LHFPL3: variants seen among roughly 807,000 people sequenced by gnomAD.
LHFPL3 encodes the protein LHFPL tetraspan subfamily member 3.
In LHFPL3, 5 loss-of-function variants were observed where a neutral mutation model predicts 19.3. The observed-to-expected ratio is 0.26, with a 90% confidence interval of 0.14 to 0.54. The LOEUF (loss-of-function observed/expected upper bound fraction) is 0.54, where lower values mean the gene tolerates loss of function less well. Ranked by LOEUF, LHFPL3 falls within the 20% of genes least tolerant of loss-of-function variation. The pLI is 0.94. For missense variants in LHFPL3, 249 were observed against 307.4 expected (o/e 0.81, Z 1.42); for synonymous variants, 133 against 126.2 (o/e 1.05, Z -0.36).
At chr7:104,622,817 A>G (rs1402908167) in intron 1 of LHFPL3, among the ~76,000 whole-genome samples, 1 of 152,220 alleles carries the variant, frequency 6.6e-6, no homozygotes, top group Non-Finnish European at 1.5e-5. Context: ...TCTTGTGGGT[A>G]TATACCTAGG....
intron 1 of LHFPL3, among the ~76,000 whole-genome samples, chr7:104,514,872 A>G (rs556334304): frequency 9.8e-5 from 15 of 152,306 alleles, no homozygotes; most frequent in African/African-American, 3.6e-4. Context: ...TGACACAATT[A>G]TATATATTGT....
intron 1 of LHFPL3, among the ~76,000 whole-genome samples, chr7:104,694,869 C>G (rs974379064): frequency 1.3e-5 from 2 of 152,210 alleles, no homozygotes; most frequent in African/African-American, 4.8e-5. Flanking sequence ...TAGAATGATA[C>G]TTATGCTGAA....
At chr7:104,706,451 A>G (rs1793191997) in intron 1 of LHFPL3, among the ~76,000 whole-genome samples, 1 of 152,216 alleles carries the variant, frequency 6.6e-6, no homozygotes, top group African/African-American at 2.4e-5. Flanking sequence ...GTCCAGCCAA[A>G]TGAGCAATAT....
At position 104,753,226 on chromosome 7, in the gene LHFPL3, C is replaced by T. The variant is rs181718879; in HGVS notation, c.682+16315C>T. Among the ~76,000 whole-genome samples the T allele has an allele frequency of 5.8e-4, 89 of 152,232 alleles. 1 individual carries two copies. In the South Asian group the frequency reaches 0.017, roughly 29 times the overall value. ...GTTCCTTTCATAAATATCCTGGCAA[C>T]CTTGAATGCATAAACAGGCTCTATT... On this transcript the variant is annotated intron_variant, in intron 2 of 2. Transcript: ENST00000424859.
chr7:104,625,537 C>T (rs1305798250), intron 1 of LHFPL3, among the ~76,000 whole-genome samples: 1 of 152,150 alleles, frequency 6.6e-6, no homozygotes, highest in Admixed American at 6.5e-5. Context: ...CACATGCCTC[C>T]TTTAATTTTG....
intron 1 of LHFPL3, among the ~76,000 whole-genome samples, chr7:104,671,565 A>G (rs1792482671): frequency 1.9e-5 from 2 of 102,580 alleles, no homozygotes; most frequent in Non-Finnish European, 4.6e-5. Flanking sequence ...TCTGATCTTT[A>G]AAGTTCAAAA....
intron 2 of LHFPL3, 70 bp from the exon 3 acceptor site, chr7:104,906,117 G>A: frequency 1.4e-6 from 2 of 1,434,118 alleles, no homozygotes; most frequent in Non-Finnish European, 1.9e-6. Flanking sequence ...CAAAAATCTT[G>A]CAGACAGAAA....
chr7:104,550,116 A>G (rs1352768776), intron 1 of LHFPL3, among the ~76,000 whole-genome samples: 2 of 152,086 alleles, frequency 1.3e-5, no homozygotes, highest in Non-Finnish European at 2.9e-5. Context: ...TACTGCAGAA[A>G]CCCTTTTTGC....
intron 1 of LHFPL3, among the ~76,000 whole-genome samples, chr7:104,572,725 C>A (rs994211811): frequency 1.3e-5 from 2 of 152,114 alleles, no homozygotes; most frequent in Admixed American, 1.3e-4. Flanking sequence ...TAAAGTAGGT[C>A]AGTGTTTTCC....
At chr7:104,431,358 C>G (rs1010695570) in intron 1 of LHFPL3, among the ~76,000 whole-genome samples, 1 of 152,140 alleles carries the variant, frequency 6.6e-6, no homozygotes, top group Non-Finnish European at 1.5e-5. Flanking sequence ...GTCTATGTTT[C>G]CCCAATGAGA....
At chr7:104,379,201 T>C (rs1452987344) in intron 1 of LHFPL3, among the ~76,000 whole-genome samples, 5 of 152,238 alleles carry the variant, frequency 3.3e-5, no homozygotes, top group Non-Finnish European at 5.9e-5. Context: ...TAGGGCAAGC[T>C]TGGAAGTCTA....
At chr7:104,503,716 C>T (rs370161357) in intron 1 of LHFPL3, among the ~76,000 whole-genome samples, 5 of 151,976 alleles carry the variant, frequency 3.3e-5, no homozygotes, top group Non-Finnish European at 7.4e-5. Flanking sequence ...ACCACAGGTG[C>T]GCACCACCAC....
chr7:104,532,245 T>C (rs1190718042), intron 1 of LHFPL3, among the ~76,000 whole-genome samples: 1 of 150,788 alleles, frequency 6.6e-6, no homozygotes, highest in Admixed American at 6.6e-5. Flanking sequence ...GCCTCCTGAT[T>C]AACTGGAACT....
intron 1 of LHFPL3, among the ~76,000 whole-genome samples, chr7:104,645,415 G>T (rs1260731697): frequency 6.6e-6 from 1 of 152,140 alleles, no homozygotes; most frequent in Non-Finnish European, 1.5e-5. Flanking sequence ...GATGGATGGT[G>T]TGCATATAAT....
rs184870745 is a variant in LHFPL3, at chr7:104,500,473, T to G, written c.445+171249T>G. 2.0e-5 allele frequency among the ~76,000 whole-genome samples: 3 copies of G among 152,298 alleles called. No individual in the cohort carries two copies. The South Asian group carries it at 6.2e-4, about 32-fold the overall frequency. ...GTGAATTCAATGATAAATAGACATA[T>G]CTACGAAACCGCAATTTCAGTGCTG... On this transcript the variant is annotated intron_variant, in intron 1 of 2. Transcript: ENST00000424859.
At chr7:104,447,051 G>A (rs1054655993) in intron 1 of LHFPL3, among the ~76,000 whole-genome samples, 3 of 152,204 alleles carry the variant, frequency 2.0e-5, no homozygotes, top group African/African-American at 7.2e-5. Context: ...ACGTGAAACA[G>A]TGTCACATTA....
At chr7:104,691,584 G>T (rs1236697470) in intron 1 of LHFPL3, among the ~76,000 whole-genome samples, 1 of 152,234 alleles carries the variant, frequency 6.6e-6, no homozygotes, top group East Asian at 1.9e-4. Flanking sequence ...CCAGATGTGT[G>T]ATTATGTACT....
chr7:104,482,742 G>A (rs538056928), intron 1 of LHFPL3, among the ~76,000 whole-genome samples: 7 of 152,204 alleles, frequency 4.6e-5, no homozygotes, highest in Admixed American at 6.5e-5. Flanking sequence ...GAACCCAAAA[G>A]GCAGCTGGCA....
chr7:104,802,822 C>T (rs1402516172), intron 2 of LHFPL3: 2 of 152,306 alleles, frequency 1.3e-5, no homozygotes, highest in Non-Finnish European at 1.5e-5. Context: ...CCAAGATTCA[C>T]ACTGGTCATC....
Sources: allele counts gnomAD v4.1 joint callset (sites outside exome capture counted in the v4.1 genomes callset), GRCh38; gene constraint gnomAD v4.1.1; transcripts MANE v1.5; gene names NCBI Gene and HGNC (gene_info 2026-07-23, HGNC 2026-07-21).